The following GMDS variants were observed in gnomAD, a reference collection of about 807,000 sequenced individuals.
GMDS encodes GDP-mannose 4,6 dehydratase.
GMDS carries 20 observed loss-of-function variants against 49.9 expected under a neutral mutation model. The ratio of observed to expected loss-of-function variants is 0.40; its 90% CI spans 0.28 to 0.58. The LOEUF (loss-of-function observed/expected upper bound fraction) is 0.58, where lower values mean the gene tolerates loss of function less well. Ranked by LOEUF, GMDS falls within the 20% of genes least tolerant of loss-of-function variation. The probability of loss-of-function intolerance (pLI) is 0.42; values close to 1 mark genes in which losing one functional copy is unlikely to be tolerated. For missense variants in GMDS, 362 were observed against 481.4 expected, an observed-to-expected ratio of 0.75 and a Z score of 2.32; for synonymous variants, 177 against 178.6, an observed-to-expected ratio of 0.99 and a Z score of 0.07.
intron 4 of GMDS, among the ~76,000 whole-genome samples, chr6:2,059,483 T>C (rs9503082): frequency 0.086 from 12,792 of 149,498 alleles, 1,352 homozygotes; most frequent in African/African-American, 0.25. Context: ...CCGAGGCGGG[T>C]GGATCACGAG....
Position 2,213,518 on chromosome 6 carries a change from G to A in GMDS, c.102+31803C>T, listed in dbSNP as rs144585438. Among the ~76,000 whole-genome samples the A allele has an allele frequency of 3.9e-5, 6 of 152,304 alleles. No individual in the cohort carries two copies. The East Asian group carries it at 1.2e-3, about 29-fold the overall frequency. ...AGCAAATAAAATACAAATTGATTTTGTCATAAAGGTACACAAAACAGTTCT... is the reference window on the plus strand; with the variant it reads ...AGCAAATAAAATACAAATTGATTTTATCATAAAGGTACACAAAACAGTTCT... On this transcript the variant is annotated intron_variant, in intron 1 of 10. Coordinates refer to ENST00000380815, the MANE Select transcript of GMDS (RefSeq NM_001500.4).
intron 4 of GMDS, among the ~76,000 whole-genome samples, chr6:2,000,336 G>A (rs1043815674): frequency 6.6e-6 from 1 of 151,348 alleles, no homozygotes; most frequent in Non-Finnish European, 1.5e-5. Flanking sequence ...CTCCCGGACA[G>A]TATTTACTAT....
intron 4 of GMDS, among the ~76,000 whole-genome samples, chr6:2,063,167 T>C (rs150938409): frequency 1.3e-5 from 2 of 152,348 alleles, no homozygotes; most frequent in Non-Finnish European, 2.9e-5. Flanking sequence ...AATAAAGATA[T>C]TTTTATTGAA....
intron 7 of GMDS, among the ~76,000 whole-genome samples, chr6:1,816,981 C>T (rs1196769957): frequency 6.6e-6 from 1 of 150,570 alleles, no homozygotes; most frequent in African/African-American, 2.5e-5. Flanking sequence ...ATATTTTTTT[C>T]CTTAATTCTA....
At chr6:1,913,982 T>C (rs1170447925) in intron 7 of GMDS, among the ~76,000 whole-genome samples, 2 of 152,116 alleles carry the variant, frequency 1.3e-5, no homozygotes, top group Non-Finnish European at 2.9e-5. Context: ...TAATACAGTA[T>C]ATCCATCCTA....
intron 4 of GMDS, among the ~76,000 whole-genome samples, chr6:1,978,675 G>A (rs1765055263): frequency 6.6e-6 from 1 of 152,206 alleles, no homozygotes; most frequent in African/African-American, 2.4e-5. Flanking sequence ...TGGGCTGCCT[G>A]TGGGCCATGG....
At chr6:1,895,576 A>G (rs1760122145) in intron 7 of GMDS, among the ~76,000 whole-genome samples, 1 of 152,244 alleles carries the variant, frequency 6.6e-6, no homozygotes, top group Admixed American at 6.5e-5. Flanking sequence ...ATTGAACAGC[A>G]CTGATAAAGA....
In GMDS at chr6:2,191,935, T is replaced by C. The variant is rs112408970; in HGVS notation, c.102+53386A>G. 7.9e-5 allele frequency among the ~76,000 whole-genome samples: 12 copies of C among 152,256 alleles called. No homozygotes were observed. Among genetic ancestry groups the C allele is most frequent in the African/African-American group, 2.9e-4 (12 of 41,572 alleles). On this transcript the variant is annotated intron_variant, in intron 1 of 10. Coordinates refer to ENST00000380815, the MANE Select transcript of GMDS (RefSeq NM_001500.4). This position sits in a 1 kb window ranked among gnomAD's most constrained non-coding sequence, Gnocchi z 4.6. ...CACTGCAGGCTTATGGTGACTTTTC[T>C]GGGCCTGCCCATGACCACCCATGGA...
chr6:2,026,476 G>A (rs1768605287), intron 4 of GMDS, among the ~76,000 whole-genome samples: 3 of 152,292 alleles, frequency 2.0e-5, no homozygotes, highest in South Asian at 2.1e-4. Flanking sequence ...AAGGGTTAAC[G>A]CACACATCGT....
At chr6:1,653,657 G>A (rs1759963961) in intron 9 of GMDS, among the ~76,000 whole-genome samples, 1 of 152,134 alleles carries the variant, frequency 6.6e-6, no homozygotes, top group Non-Finnish European at 1.5e-5. Context: ...AATATACCCG[G>A]CCAATTGATT....
At chr6:1,630,885 G>T (rs908676786) in intron 9 of GMDS, among the ~76,000 whole-genome samples, 2 of 152,038 alleles carry the variant, frequency 1.3e-5, no homozygotes, top group South Asian at 4.2e-4. Flanking sequence ...GAGATGGGGG[G>T]TGGCTGACTC....
At chr6:1,784,500 G>A (rs1021574557) in intron 7 of GMDS, among the ~76,000 whole-genome samples, 2 of 151,968 alleles carry the variant, frequency 1.3e-5, no homozygotes, top group Non-Finnish European at 2.9e-5. Flanking sequence ...GCGGGAAGGA[G>A]AGCAGAGGCC....
intron 7 of GMDS, among the ~76,000 whole-genome samples, chr6:1,749,471 T>C (rs1324958699): frequency 6.6e-6 from 1 of 151,858 alleles, no homozygotes; most frequent in East Asian, 1.9e-4. Flanking sequence ...GGGGCACCTG[T>C]AATCCCAGCC....
intron 4 of GMDS, among the ~76,000 whole-genome samples, chr6:1,986,118 C>T (rs1213017939): frequency 6.6e-6 from 1 of 152,128 alleles, no homozygotes; most frequent in Non-Finnish European, 1.5e-5. Flanking sequence ...CATTGCTTTC[C>T]TTGAAGATTT....
intron 7 of GMDS, among the ~76,000 whole-genome samples, chr6:1,823,051 T>A (rs148452038): frequency 1.9e-3 from 282 of 152,288 alleles, no homozygotes; most frequent in African/African-American, 6.4e-3. Context: ...TCAATTCCAG[T>A]GGCTTTTTGT....
intron 1 of GMDS, among the ~76,000 whole-genome samples, chr6:2,230,600 CA>C (rs1420663545): frequency 2.0e-5 from 3 of 151,998 alleles, no homozygotes; most frequent in Non-Finnish European, 4.4e-5. Context: ...CCTATATGTT[CA>C]AACAGTAAAT....
intron 4 of GMDS, among the ~76,000 whole-genome samples, chr6:1,983,460 A>C (rs1765343527): frequency 6.6e-6 from 1 of 152,194 alleles, no homozygotes; most frequent in Non-Finnish European, 1.5e-5. Flanking sequence ...GAATGGAAAA[A>C]AATTTTTCCA....
At chr6:1,870,416 A>G (rs892401477) in intron 7 of GMDS, among the ~76,000 whole-genome samples, 2 of 152,086 alleles carry the variant, frequency 1.3e-5, no homozygotes, top group African/African-American at 2.4e-5. Flanking sequence ...GCCTGTGCCA[A>G]TCAAGCCACA....
At chr6:1,630,120 T>G (rs539621468) in intron 9 of GMDS, among the ~76,000 whole-genome samples, 1 of 152,248 alleles carries the variant, frequency 6.6e-6, no homozygotes, top group South Asian at 2.1e-4. Context: ...AAACAAGAAT[T>G]GTAGTTAAGC....
Sources: gnomAD v4.1 joint callset for allele counts (sites outside exome capture counted in the v4.1 genomes callset) on GRCh38, gnomAD v4.1.1 for gene constraint, Gnocchi (gnomAD v3.1) non-coding constraint, MANE v1.5 for transcripts, NCBI Gene and HGNC (gene_info 2026-07-23, HGNC 2026-07-21) for gene names.